Variants in GRM5 observed in about 807,000 individuals in gnomAD.
GRM5 encodes the protein metabotropic glutamate receptor 5.
A neutral mutation model predicts 83.1 loss-of-function variants in GRM5; 19 were observed. The ratio of observed to expected loss-of-function variants is 0.23; its 90% CI spans 0.16 to 0.34. GRM5 has a LOEUF of 0.34. Among genes scored for constraint, GRM5 ranks in the 10% least tolerant of loss-of-function variants. The probability of loss-of-function intolerance (pLI) is 1.00; values close to 1 mark genes in which losing one functional copy is unlikely to be tolerated. For synonymous variants in GRM5, 675 were observed against 633.6 expected (o/e 1.07, Z -0.98); for missense variants, 1,160 against 1,588.3 (o/e 0.73, Z 4.58).
chr11:88,762,613 C>A (rs1392117704), intron 3 of GRM5, among the ~76,000 whole-genome samples: 1 of 151,984 alleles, frequency 6.6e-6, no homozygotes, highest in Non-Finnish European at 1.5e-5. Context: ...TTGTGGAAAG[C>A]AGTGTGGTAC....
chr11:88,594,296 A>G lies in GRM5; in HGVS notation c.1563+2888T>C, dbSNP rs543741106. On this transcript the variant is annotated intron_variant, in intron 6 of 9. Coordinates refer to ENST00000305447, the MANE Select transcript of GRM5 (RefSeq NM_001143831.3). ...GAGTTTAACTGCAAGATAATTGGCCAAGATGAAAACCTCTTTTGTCTTGAT... is the reference window on the plus strand; with the variant it reads ...GAGTTTAACTGCAAGATAATTGGCCGAGATGAAAACCTCTTTTGTCTTGAT... 1.2e-4 allele frequency among the ~76,000 whole-genome samples: 19 copies of G among 152,346 alleles called. No individual in the cohort carries two copies. The South Asian group carries it at 3.9e-3, about 32-fold the overall frequency.
At chr11:89,036,994 A>G (rs1412787551) in intron 2 of GRM5, among the ~76,000 whole-genome samples, 1 of 152,080 alleles carries the variant, frequency 6.6e-6, no homozygotes, top group Admixed American at 6.5e-5. Context: ...TTATTCATAT[A>G]ATTTTTGGGA....
chr11:88,558,999 A>C lies in GRM5; in HGVS notation c.2630+8054T>G, dbSNP rs774044366. On this transcript the variant is annotated intron_variant, in intron 8 of 9. Transcript: ENST00000305447. ...AGTTTATAATAAAAACTTTGTAACT[A>C]AAAATATTATACCAAAAAGTAGTGT... Among the ~76,000 whole-genome samples the C allele has an allele frequency of 9.4e-4, 143 of 151,972 alleles. 1 individual carries two copies. Among genetic ancestry groups the C allele is most frequent in the Non-Finnish European group, 1.7e-3 (116 of 67,970 alleles).
intron 2 of GRM5, among the ~76,000 whole-genome samples, chr11:88,896,181 T>A (rs1385804956): frequency 6.6e-6 from 1 of 151,882 alleles, no homozygotes; most frequent in East Asian, 1.9e-4. Context: ...TAGTAGAGGG[T>A]AGGCCAAGGC....
chr11:88,801,656 T>C (rs1165757877), intron 3 of GRM5, among the ~76,000 whole-genome samples: 1 of 152,106 alleles, frequency 6.6e-6, no homozygotes, highest in Non-Finnish European at 1.5e-5. Context: ...GAGGACAATG[T>C]GGGAGGCATA....
intron 1 of GRM5, among the ~76,000 whole-genome samples, chr11:89,048,616 C>A (rs1348994800): frequency 6.6e-6 from 1 of 152,108 alleles, no homozygotes; most frequent in African/African-American, 2.4e-5. Context: ...CAATGTCAAG[C>A]AAGTTGAATA....
At chr11:89,018,775 A>G (rs1278092684) in intron 2 of GRM5, among the ~76,000 whole-genome samples, 2 of 152,194 alleles carry the variant, frequency 1.3e-5, no homozygotes, top group Admixed American at 6.5e-5. Flanking sequence ...TTTGAAGGAT[A>G]AATAAGAAAA....
chr11:88,531,135 G>C (rs1456885204), intron 8 of GRM5, among the ~76,000 whole-genome samples: 1 of 151,996 alleles, frequency 6.6e-6, no homozygotes, highest in East Asian at 1.9e-4. Context: ...TGTATGTAAG[G>C]GTGTGATATA....
chr11:88,992,760 C>T (rs952370197), intron 2 of GRM5, among the ~76,000 whole-genome samples: 2 of 151,238 alleles, frequency 1.3e-5, no homozygotes, highest in African/African-American at 2.4e-5. Context: ...AGCAAACTAT[C>T]GCAAGGACAA....
intron 2 of GRM5, among the ~76,000 whole-genome samples, chr11:88,963,463 T>C (rs1445804613): frequency 6.6e-6 from 1 of 152,228 alleles, no homozygotes; most frequent in East Asian, 1.9e-4. Flanking sequence ...ATCTGTGTTA[T>C]GTTTCAAAAG....
chr11:88,556,107 A>G (rs1285286708), intron 8 of GRM5, among the ~76,000 whole-genome samples: 1 of 152,114 alleles, frequency 6.6e-6, no homozygotes, highest in East Asian at 1.9e-4. Flanking sequence ...AGGGCCATGG[A>G]TCCCCAGGAT....
intron 2 of GRM5, among the ~76,000 whole-genome samples, chr11:88,933,688 T>C (rs1311988277): frequency 6.6e-6 from 1 of 151,848 alleles, no homozygotes; most frequent in Non-Finnish European, 1.5e-5. Context: ...TTCTATCCAT[T>C]ACTTACTGCT....
intron 2 of GRM5, among the ~76,000 whole-genome samples, chr11:89,029,965 T>C (rs1001820452): frequency 1.8e-4 from 27 of 152,324 alleles, no homozygotes; most frequent in Non-Finnish European, 2.2e-4. Context: ...ACTACTGTTA[T>C]ATTGTTATAC....
intron 2 of GRM5, among the ~76,000 whole-genome samples, chr11:88,957,469 T>C (rs1414626799): frequency 6.6e-6 from 1 of 152,154 alleles, no homozygotes; most frequent in African/African-American, 2.4e-5. Context: ...AGGACATAGA[T>C]GACAAGATCT....
chr11:88,687,430 T>C lies in GRM5; in HGVS notation c.912-34027A>G, dbSNP rs1316499934. Among the ~76,000 whole-genome samples the C allele has an allele frequency of 2.8e-5, 4 of 140,394 alleles. No individual in the cohort carries two copies. In the Admixed American group the frequency reaches 3.0e-4, roughly 11 times the overall value. 92.1% of individuals were successfully genotyped at this position (140,394 alleles called of 152,430 possible). A position where few individuals can be genotyped will look rare whatever the true frequency, so the allele number is the denominator to read the frequency against. On this transcript the variant is annotated intron_variant, in intron 3 of 9. Transcript: ENST00000305447. The stretch of plus-strand genomic sequence containing the variant: ...AGGCGGAGCTTGCAGTGAGCCGAGA[T>C]CGCTTCACTGCACTCCAGCCTGGGC...
chr11:88,620,302 C>T (rs963419481), intron 4 of GRM5, among the ~76,000 whole-genome samples: 1 of 152,186 alleles, frequency 6.6e-6, no homozygotes, highest in Non-Finnish European at 1.5e-5. Flanking sequence ...TTTGCATTTG[C>T]TAAATGCCTA....
chr11:89,032,303 A>T (rs1941280979), intron 2 of GRM5, among the ~76,000 whole-genome samples: 1 of 152,108 alleles, frequency 6.6e-6, no homozygotes, highest in African/African-American at 2.4e-5. Context: ...AAACACAGTG[A>T]TAAAAACAGT....
At chr11:88,566,118 A>G (rs952120719) in intron 8 of GRM5, among the ~76,000 whole-genome samples, 2 of 152,174 alleles carry the variant, frequency 1.3e-5, no homozygotes, top group African/African-American at 4.8e-5. Flanking sequence ...TAAATTTCAG[A>G]AGAGTTAGCA....
chr11:88,895,787 C>G (rs316096), intron 2 of GRM5, among the ~76,000 whole-genome samples: 73,312 of 151,748 alleles, frequency 0.48, 18,777 homozygotes, highest in South Asian at 0.6. Flanking sequence ...TAATATGCCT[C>G]TCACATCTAT....
Sources: gnomAD v4.1 joint callset for allele counts (sites outside exome capture counted in the v4.1 genomes callset) on GRCh38, gnomAD v4.1.1 for gene constraint, MANE v1.5 for transcripts, NCBI Gene and HGNC (gene_info 2026-07-23, HGNC 2026-07-21) for gene names.